FBXO41: variants seen among roughly 807,000 people sequenced by gnomAD.
FBXO41 encodes the protein F-box only protein 41.
Under a neutral mutation model 81.6 loss-of-function variants are expected in FBXO41, and 33 were observed. That is an observed-to-expected ratio of 0.40 (90% CI 0.31 to 0.54). The LOEUF is 0.54. Among genes scored for constraint, FBXO41 ranks in the 20% least tolerant of loss-of-function variants. FBXO41 has a pLI of 0.39. For missense variants in FBXO41, 1,107 were observed against 1,236.0 expected (o/e 0.90, Z 1.56); for synonymous variants, 576 against 552.7 (o/e 1.04, Z -0.59).
Position 73,259,062 on chromosome 2 carries a change from G to A in FBXO41, c.2566-18C>T. Reference sequence around the variant, plus strand: ...CGCAGAGCCTGCGGACCGAACCCTGGGTTAGTTCTCCCTCCGTGCCAGGCA... The same window carrying A: ...CGCAGAGCCTGCGGACCGAACCCTGAGTTAGTTCTCCCTCCGTGCCAGGCA... On this transcript the variant is annotated intron_variant, in intron 12 of 12. Coordinates refer to ENST00000520530, the MANE Select transcript of FBXO41 (RefSeq NM_001371389.2). This position sits in a 1 kb window ranked among gnomAD's most constrained non-coding sequence, Gnocchi z 4.2. 1.2e-6 allele frequency: 2 copies of A among 1,606,182 alleles called. No homozygotes were observed. The highest frequency in any genetic ancestry group is 1.7e-6 in the Non-Finnish European group (2 of 1,176,120).
intron 1 of FBXO41, among the ~76,000 whole-genome samples, chr2:73,276,560 C>CAGAG (rs533998261): frequency 0.12 from 12,225 of 105,820 alleles, 487 homozygotes; most frequent in Middle Eastern, 0.16. Flanking sequence ...CAAATCTATT[C>CAGAG]AGAGAGAGAG....
intron 2 of FBXO41, among the ~76,000 whole-genome samples, chr2:73,267,006 T>A (rs1574384049): frequency 6.6e-6 from 1 of 151,970 alleles, no homozygotes; most frequent in Non-Finnish European, 1.5e-5. Flanking sequence ...CATACATACA[T>A]CCCCACACAC....
intron 1 of FBXO41, chr2:73,273,096 C>T (rs993148233): frequency 1.3e-5 from 2 of 152,192 alleles, no homozygotes; most frequent in African/African-American, 2.4e-5. Flanking sequence ...CTTCTTCCAG[C>T]TATACAGTTT....
Position 73,265,438 on chromosome 2 carries a change from A to G in FBXO41, c.1408T>C (p.Trp470Arg). Residue 470 changes from tryptophan to arginine, a missense_variant, in exon 5 of 13, where the codon TGG becomes CGG. Trp to Arg is a moderately radical substitution (Grantham distance 101). Coordinates refer to ENST00000520530, the MANE Select transcript of FBXO41 (RefSeq NM_001371389.2). ...SGLRRQAIQN[W>R]QRRPRRHSTE... ...CTGTGTCGGCGGGGTCTGCGCTGCC[A>G]GTTCTGGATGGCCTGGCGCCGCAGG... 1.9e-6 allele frequency: 3 copies of G among 1,607,804 alleles called. No individual in the cohort carries two copies. The highest frequency in any genetic ancestry group is 2.5e-6 in the Non-Finnish European group (3 of 1,179,562).
Position 73,259,766 on chromosome 2 carries a change from G to T in FBXO41, c.2450-470C>A, listed in dbSNP as rs1381235333. Reference sequence around the variant, plus strand: ...TCAGGCGACTGAGAAGGGCCTGGAGGTCATGATTCTGGAGGCTGAGCAGTT... The same window carrying T: ...TCAGGCGACTGAGAAGGGCCTGGAGTTCATGATTCTGGAGGCTGAGCAGTT... On this transcript the variant is annotated intron_variant, in intron 11 of 12. Coordinates refer to ENST00000520530, the MANE Select transcript of FBXO41 (RefSeq NM_001371389.2). The surrounding 1 kb of genome is among the most constrained non-coding windows in gnomAD (Gnocchi z 4.2). Among the ~76,000 whole-genome samples the T allele has an allele frequency of 6.6e-6, 1 of 152,116 alleles. No individual in the cohort carries two copies. The highest frequency in any genetic ancestry group is 2.4e-5 in the African/African-American group (1 of 41,368).
At chr2:73,279,772 A>G (rs1688795073) in intron 1 of FBXO41, among the ~76,000 whole-genome samples, 2 of 152,198 alleles carry the variant, frequency 1.3e-5, no homozygotes, top group South Asian at 4.1e-4. Context: ...AGAATCCAGA[A>G]GCAGTTTCTA....
rs1255004267 is a variant in FBXO41, at chr2:73,284,391, G to A, written c.-370C>T. Reference sequence around the variant, plus strand: ...GGCGCACGAACCCGGCGGGAGGAAGGATGGAGGAGGAGGAGGAGGAGGAGG... The same window carrying A: ...GGCGCACGAACCCGGCGGGAGGAAGAATGGAGGAGGAGGAGGAGGAGGAGG... On this transcript the variant is annotated 5_prime_UTR_variant, in exon 1 of 13. Transcript: ENST00000520530. The surrounding 1 kb of genome is among the most constrained non-coding windows in gnomAD (Gnocchi z 7.4). 1 of 152,500 alleles carries A rather than the reference G, an allele frequency of 6.6e-6. No homozygotes were observed. Among genetic ancestry groups the A allele is most frequent in the Non-Finnish European group, 1.5e-5 (1 of 68,170 alleles). 9.4% of individuals were successfully genotyped at this position (152,500 alleles called of 1,614,324 possible).
chr2:73,280,521 T>C (rs1688816719), intron 1 of FBXO41, among the ~76,000 whole-genome samples: 1 of 152,194 alleles, frequency 6.6e-6, no homozygotes, highest in Non-Finnish European at 1.5e-5. Context: ...TCTCTGCTTC[T>C]CTCCCATGTG....
In FBXO41 at chr2:73,259,164, C is replaced by T. The variant is rs542275895; in HGVS notation, c.2565+17G>A. 1 of 1,613,626 alleles carries T rather than the reference C, an allele frequency of 6.2e-7. No individual in the cohort carries two copies. Among genetic ancestry groups the T allele is most frequent in the South Asian group, 1.1e-5 (1 of 91,078 alleles). The stretch of plus-strand genomic sequence containing the variant: ...TGCCACTTGGGGTCTTGGACAGCCT[C>T]AGAGCTGACCCCTCACCTGGAGTTT... On this transcript the variant is annotated intron_variant, in intron 12 of 12. Coordinates refer to ENST00000520530, the MANE Select transcript of FBXO41 (RefSeq NM_001371389.2). This position sits in a 1 kb window ranked among gnomAD's most constrained non-coding sequence, Gnocchi z 4.2.
At position 73,260,615 on chromosome 2, in the gene FBXO41, G is replaced by C; in HGVS notation, c.2291-68C>G. Reference sequence around the variant, plus strand: ...GGTCACCCCTGCAGCCAGCACCCTGGCTACCACCCTGCCACCTGCCACCAC... The same window carrying C: ...GGTCACCCCTGCAGCCAGCACCCTGCCTACCACCCTGCCACCTGCCACCAC... On this transcript the variant is annotated intron_variant, in intron 10 of 12. Coordinates refer to ENST00000520530, the MANE Select transcript of FBXO41 (RefSeq NM_001371389.2). The surrounding 1 kb of genome is among the most constrained non-coding windows in gnomAD (Gnocchi z 5.0). 7 of 1,544,860 alleles carry C rather than the reference G, an allele frequency of 4.5e-6. No homozygotes were observed. Among genetic ancestry groups the C allele is most frequent in the Non-Finnish European group, 6.1e-6 (7 of 1,142,876 alleles).
chr2:73,260,264 C>A lies in FBXO41; in HGVS notation c.2449+125G>T. 3.1e-6 allele frequency: 4 copies of A among 1,299,678 alleles called. No homozygotes were observed. Among genetic ancestry groups the A allele is most frequent in the Middle Eastern group, 2.1e-4 (1 of 4,660 alleles). The allele number at this position is 1,299,678 out of a possible 1,614,324, so 80.5% of individuals were successfully genotyped here. ...TCTAGAACCAGTGCTCTTAACCTGT[C>A]CCCCTGCCTCTGCCCTTGGCTGGAG... is the stretch of plus-strand genomic sequence containing the variant. On this transcript the variant is annotated intron_variant, in intron 11 of 12. Transcript: ENST00000520530. The surrounding 1 kb of genome is among the most constrained non-coding windows in gnomAD (Gnocchi z 5.0).
chr2:73,274,993 C>T (rs966982526), intron 1 of FBXO41, among the ~76,000 whole-genome samples: 2 of 151,526 alleles, frequency 1.3e-5, no homozygotes, highest in Non-Finnish European at 2.9e-5. Flanking sequence ...GGGTTCACGC[C>T]ATTCTCCTGC....
At chr2:73,273,734 C>G (rs1390067087) in intron 1 of FBXO41, among the ~76,000 whole-genome samples, 1 of 152,196 alleles carries the variant, frequency 6.6e-6, no homozygotes, top group Non-Finnish European at 1.5e-5. Flanking sequence ...GCCTGAAGCT[C>G]TAACCCAGGA....
chr2:73,265,639 C>T lies in FBXO41; in HGVS notation c.1207G>A (p.Ala403Thr), dbSNP rs752335857. Residue 403 changes from alanine (A) to threonine (T), a missense_variant and splice_region_variant, in exon 5 of 13, where the codon GCC becomes ACC. Physicochemically the swap from Ala to Thr is moderately conservative, Grantham distance 58 (BLOSUM62 0). Transcript: ENST00000520530. ...GATGCGGCTGGCACACGGCTGGAGG[C>T]CCTGGGGCAGGGTGGACCACACAGT... ...SRHGSSPSTG[A>T]SSRVPAASQS... The T allele has an allele frequency of 6.0e-6, 9 of 1,507,804 alleles. No homozygotes were observed. Among genetic ancestry groups the T allele is most frequent in the Non-Finnish European group, 8.0e-6 (9 of 1,128,444 alleles). 93.4% of individuals were successfully genotyped at this position (1,507,804 alleles called of 1,614,324 possible).
chr2:73,267,279 G>A (rs894908013), intron 2 of FBXO41, among the ~76,000 whole-genome samples: 4 of 152,092 alleles, frequency 2.6e-5, no homozygotes, highest in African/African-American at 7.2e-5. Flanking sequence ...TGTGAGACAC[G>A]CAAAGAACCA....
chr2:73,256,249 G>C lies in FBXO41; in HGVS notation c.*2733C>G, dbSNP rs1401834267. The C allele has an allele frequency of 6.6e-6, 1 of 152,264 alleles. No individual in the cohort carries two copies. The highest frequency in any genetic ancestry group is 1.9e-4 in the East Asian group (1 of 5,194). The allele number at this position is 152,264 out of a possible 1,614,324, so 9.4% of individuals were successfully genotyped here. ...GATCCCGTTTGGGTGGGTAAAGATG[G>C]ATGAAGTGCTTCTAGGGATAGCCAG... is the stretch of plus-strand genomic sequence containing the variant. On this transcript the variant is annotated 3_prime_UTR_variant, in exon 13 of 13. Coordinates refer to ENST00000520530, the MANE Select transcript of FBXO41 (RefSeq NM_001371389.2).
intron 1 of FBXO41, among the ~76,000 whole-genome samples, chr2:73,273,520 A>C (rs1174631290): frequency 6.6e-6 from 1 of 152,166 alleles, no homozygotes; most frequent in Non-Finnish European, 1.5e-5. Context: ...CAGGGAACAC[A>C]CATGACCTCA....
At chr2:73,263,649 C>T (rs1688105706) in intron 8 of FBXO41, 29 bp downstream of exon 8, 3 of 1,611,176 alleles carry the variant, frequency 1.9e-6, no homozygotes, top group African/African-American at 1.3e-5. Flanking sequence ...TTAGAGGGAA[C>T]AGGCCATGCT....
chr2:73,269,457 G>GGCGGCGGCC lies in FBXO41; in HGVS notation c.165_173dup (p.Ala59_Ala61dup), dbSNP rs1688413510. On this transcript the variant is annotated inframe_insertion, in exon 2 of 13. Transcript: ENST00000520530. This position sits in a 1 kb window ranked among gnomAD's most constrained non-coding sequence, Gnocchi z 7.0. ...CCAGCGGGAACCCCGAGGCAGCGGC[G>GGCGGCGGCC]GCGGCGGCCGCGGCGGCGGCGGCGC... The GGCGGCGGCC allele has an allele frequency of 2.4e-6, 3 of 1,271,096 alleles. No individual in the cohort carries two copies. Among genetic ancestry groups the GGCGGCGGCC allele is most frequent in the South Asian group, 4.8e-5 (2 of 41,450 alleles). 78.7% of individuals were successfully genotyped at this position (1,271,096 alleles called of 1,614,324 possible). A position where few individuals can be genotyped will look rare whatever the true frequency, so the allele number is the denominator to read the frequency against.
Sources: gnomAD v4.1 joint callset for allele counts (sites outside exome capture counted in the v4.1 genomes callset) on GRCh38, gnomAD v4.1.1 for gene constraint, Gnocchi (gnomAD v3.1) non-coding constraint, MANE v1.5 for transcripts, NCBI Gene and HGNC (gene_info 2026-07-23, HGNC 2026-07-21) for gene names.